The following SETBP1 variants were observed in gnomAD, a reference collection of about 807,000 sequenced individuals.
SETBP1 encodes the protein SET-binding protein.
A neutral mutation model predicts 101.0 loss-of-function variants in SETBP1; 9 were observed. The ratio of observed to expected loss-of-function variants is 0.09; its 90% confidence interval spans 0.05 to 0.16. The LOEUF (loss-of-function observed/expected upper bound fraction) is 0.16, where lower values mean the gene tolerates loss of function less well. SETBP1 is among the 10% of genes least tolerant of loss of function. The pLI is 1.00. For synonymous variants in SETBP1, 818 were observed against 788.5 expected, an observed-to-expected ratio of 1.04 and a Z score of -0.63; for missense variants, 1,858 against 2,033.8, an observed-to-expected ratio of 0.91 and a Z score of 1.66.
intron 3 of SETBP1, among the ~76,000 whole-genome samples, chr18:44,908,562 C>T (rs2094105299): frequency 6.6e-6 from 1 of 152,166 alleles, no homozygotes; most frequent in Non-Finnish European, 1.5e-5. Flanking sequence ...TATGTCTTTT[C>T]TTATGCCAGT....
chr18:44,723,511 A>G (rs1026787973), intron 2 of SETBP1, among the ~76,000 whole-genome samples: 11 of 152,178 alleles, frequency 7.2e-5, no homozygotes, highest in Admixed American at 5.9e-4. Flanking sequence ...CGGGGGGAAA[A>G]AAAACAACAC....
chr18:44,890,376 C>G (rs2069740032), intron 3 of SETBP1, among the ~76,000 whole-genome samples: 1 of 152,084 alleles, frequency 6.6e-6, no homozygotes, highest in Non-Finnish European at 1.5e-5. Flanking sequence ...TTCTGTATAA[C>G]AGTAGATTCT....
chr18:44,940,522 A>G (rs1236962531), intron 3 of SETBP1, among the ~76,000 whole-genome samples: 1 of 152,080 alleles, frequency 6.6e-6, no homozygotes, highest in Admixed American at 6.6e-5. Flanking sequence ...CATTTTAGAT[A>G]TGCAACTTTT....
intron 2 of SETBP1, among the ~76,000 whole-genome samples, chr18:44,703,348 G>GTTTTTTT (rs531974601): frequency 1.7e-4 from 9 of 51,442 alleles, no homozygotes; most frequent in Non-Finnish European, 2.6e-4. Context: ...TTACCATTAG[G>GTTTTTTT]TTTTTTTTTT....
At chr18:44,956,712 G>A (rs2071490624) in intron 4 of SETBP1, among the ~76,000 whole-genome samples, 2 of 152,234 alleles carry the variant, frequency 1.3e-5, no homozygotes, top group South Asian at 4.1e-4. Flanking sequence ...TGAGATCAGA[G>A]CTGATGAAAG....
intron 4 of SETBP1, among the ~76,000 whole-genome samples, chr18:44,994,550 A>G (rs1443691447): frequency 6.6e-6 from 1 of 152,248 alleles, no homozygotes; most frequent in Non-Finnish European, 1.5e-5. Flanking sequence ...CTGTTCTCAC[A>G]AAACTCTTGC....
At chr18:44,790,309 C>A (rs1388490109) in intron 2 of SETBP1, among the ~76,000 whole-genome samples, 4 of 152,060 alleles carry the variant, frequency 2.6e-5, no homozygotes, top group Admixed American at 2.6e-4. Context: ...CTGCTGGGTA[C>A]CTTGAAAGAT....
At chr18:44,843,128 T>C (rs1389642280) in intron 2 of SETBP1, among the ~76,000 whole-genome samples, 3 of 152,158 alleles carry the variant, frequency 2.0e-5, no homozygotes, top group African/African-American at 7.2e-5. Flanking sequence ...AAGCAGTAGC[T>C]GCAGGGGAGG....
chr18:44,689,818 T>A (rs2068899579), intron 1 of SETBP1, among the ~76,000 whole-genome samples: 1 of 152,174 alleles, frequency 6.6e-6, no homozygotes, highest in Non-Finnish European at 1.5e-5. Context: ...CATAGGGCTC[T>A]GTGGAGTGTA....
rs530741078 is a variant in SETBP1 at position 44,905,127 on chromosome 18, A to T, written c.540+35844A>T. Reference sequence around the variant, plus strand: ...TAGAGGTGAGTAGCTTTAGGATAACATACTGGTACAACCCAGCTGGAGCAG... The same window carrying T: ...TAGAGGTGAGTAGCTTTAGGATAACTTACTGGTACAACCCAGCTGGAGCAG... On this transcript the variant is annotated intron_variant, in intron 3 of 5. Transcript: ENST00000649279. Among the ~76,000 whole-genome samples the T allele has an allele frequency of 5.3e-5, 8 of 152,348 alleles. 1 individual carries two copies. The South Asian group carries it at 1.2e-3, about 24-fold the overall frequency.
intron 5 of SETBP1, among the ~76,000 whole-genome samples, chr18:45,048,604 T>A (rs549911053): frequency 6.6e-6 from 1 of 152,272 alleles, no homozygotes; most frequent in Admixed American, 6.5e-5. Context: ...TCTGTAAGAC[T>A]TTGTTAAAAA....
At chr18:44,966,206 G>C (rs1740168610) in intron 4 of SETBP1, among the ~76,000 whole-genome samples, 2 of 152,138 alleles carry the variant, frequency 1.3e-5, no homozygotes, top group Admixed American at 6.6e-5. Flanking sequence ...AAACTATCTG[G>C]CTTAAAAGAC....
intron 4 of SETBP1, among the ~76,000 whole-genome samples, chr18:44,991,228 G>A (rs2072367763): frequency 7.7e-6 from 1 of 130,548 alleles, no homozygotes; most frequent in Non-Finnish European, 1.6e-5. Context: ...GAGTGACAGA[G>A]CGAGACTGCA....
intron 2 of SETBP1, among the ~76,000 whole-genome samples, chr18:44,728,904 T>A (rs2069771790): frequency 6.6e-6 from 1 of 152,218 alleles, no homozygotes; most frequent in South Asian, 2.1e-4. Context: ...AGGTAAGAAC[T>A]AGGCAGTGGG....
Position 44,952,592 on chromosome 18 carries a change from A to G in SETBP1, c.3252A>G (p.Pro1084=), listed in dbSNP as rs567674362. The G allele has an allele frequency of 1.1e-5, 18 of 1,613,704 alleles. No individual in the cohort carries two copies. In the South Asian group the frequency reaches 1.8e-4, roughly 16 times the overall value. The stretch of plus-strand genomic sequence containing the variant: ...CGCACACGCTTGGAGCAGCTTCCCC[A>G]TTCATGAGGCCAACAGTGCCACCAC... ...YLSHTLGAAS[P]FMRPTVPPPQ... is the part of the protein sequence containing the mutation. Residue 1084 remains proline, a synonymous_variant, in exon 4 of 6, where the codon CCA becomes CCG. Coordinates refer to ENST00000649279, the MANE Select transcript of SETBP1 (RefSeq NM_015559.3).
chr18:44,889,736 A>G (rs1883966533), intron 3 of SETBP1, among the ~76,000 whole-genome samples: 2 of 152,174 alleles, frequency 1.3e-5, no homozygotes, highest in African/African-American at 2.4e-5. Flanking sequence ...ATATGTGTAT[A>G]TATACATAGA....
At chr18:44,872,982 TG>T (rs1388113645) in intron 3 of SETBP1, among the ~76,000 whole-genome samples, 6 of 152,232 alleles carry the variant, frequency 3.9e-5, no homozygotes, top group African/African-American at 1.4e-4. Flanking sequence ...ATTTCAAGTG[TG>T]GGGCAAGTGT....
intron 3 of SETBP1, among the ~76,000 whole-genome samples, chr18:44,930,264 C>T (rs2070799040): frequency 6.6e-6 from 1 of 152,208 alleles, no homozygotes; most frequent in South Asian, 2.1e-4. Context: ...GTTGAACCAG[C>T]CTTGCATCCC....
At chr18:44,790,042 C>G (rs1030972665) in intron 2 of SETBP1, among the ~76,000 whole-genome samples, 1 of 152,154 alleles carries the variant, frequency 6.6e-6, no homozygotes, top group Non-Finnish European at 1.5e-5. Flanking sequence ...TAAGATTTTT[C>G]TCACTTCTCC....
Sources: allele counts gnomAD v4.1 joint callset (sites outside exome capture counted in the v4.1 genomes callset), GRCh38; gene constraint gnomAD v4.1.1; transcripts MANE v1.5; gene names NCBI Gene and HGNC (gene_info 2026-07-23, HGNC 2026-07-21).